ATP8B4: variants seen among roughly 807,000 people sequenced by gnomAD.
The protein encoded by ATP8B4 is probable phospholipid-transporting ATPase IM.
In ATP8B4, 133 loss-of-function variants were observed where a neutral mutation model predicts 145.6. The observed-to-expected ratio is 0.91, with a 90% CI of 0.79 to 1.05. ATP8B4 has a LOEUF of 1.05. Among genes scored for constraint, ATP8B4 ranks in the 50% least tolerant of loss-of-function variants. The pLI is 0.00. For synonymous variants in ATP8B4, 507 were observed against 492.9 expected (o/e 1.03, Z -0.38); for missense variants, 1,458 against 1,425.2 (o/e 1.02, Z -0.37).
chr15:49,893,542 G>T (rs1036486513), intron 23 of ATP8B4, among the ~76,000 whole-genome samples: 4 of 152,140 alleles, frequency 2.6e-5, no homozygotes, highest in Admixed American at 2.0e-4. Flanking sequence ...AGTGAAATAA[G>T]CATGTCACAA....
At chr15:50,129,071 AAAAT>A (rs559073143) in intron 1 of ATP8B4, among the ~76,000 whole-genome samples, 2 of 152,192 alleles carry the variant, frequency 1.3e-5, no homozygotes, top group Admixed American at 6.5e-5. Context: ...CCGTCTCAAA[AAAAT>A]AAATAAATAA....
At chr15:50,062,509 G>A (rs1449751609) in intron 3 of ATP8B4, among the ~76,000 whole-genome samples, 2 of 152,008 alleles carry the variant, frequency 1.3e-5, no homozygotes, top group Admixed American at 6.6e-5. Context: ...TTATGGCAAT[G>A]CAAGAACAGT....
chr15:50,073,019 TACACACACACACACACAC>T (rs373934302), intron 3 of ATP8B4, among the ~76,000 whole-genome samples: 1 of 32,456 alleles, frequency 3.1e-5, no homozygotes, highest in East Asian at 1.3e-3. Context: ...TATATATATA[TACACACACACACACACAC>T]ACACACACAC....
intron 25 of ATP8B4, among the ~76,000 whole-genome samples, chr15:49,873,048 G>T (rs530831549): frequency 3.7e-4 from 57 of 152,130 alleles, no homozygotes; most frequent in Non-Finnish European, 8.1e-4. Flanking sequence ...GTTTTTTAAA[G>T]AAATTATTCC....
At chr15:49,964,604 T>C (rs546118517) in intron 13 of ATP8B4, among the ~76,000 whole-genome samples, 1 of 152,318 alleles carries the variant, frequency 6.6e-6, no homozygotes, top group African/African-American at 2.4e-5. Context: ...TTAATGATGT[T>C]ATAAATGCAT....
In ATP8B4 at chr15:49,862,300, G is replaced by A; in HGVS notation, c.3242C>T (p.Pro1081Leu). Reference sequence around the variant, plus strand: ...CTTCAAAAATCTGAATGCCACCACTGGCATAACTGAAGCCACTGTTGTTAA... The same window carrying A: ...CTTCAAAAATCTGAATGCCACCACTAGCATAACTGAAGCCACTGTTGTTAA... ...ILLTTVASVM[P>L]VVAFRFLKVD... is the part of the protein sequence containing the mutation. Residue 1081 changes from proline (P) to leucine (L), a missense_variant, in exon 27 of 28, where the codon CCA becomes CTA. Transcript: ENST00000284509. 6.2e-7 allele frequency: 1 copy of A among 1,613,750 alleles called. No individual in the cohort carries two copies. Among genetic ancestry groups the A allele is most frequent in the East Asian group, 2.2e-5 (1 of 44,816 alleles).
At chr15:50,112,734 C>G (rs891652017) in intron 1 of ATP8B4, among the ~76,000 whole-genome samples, 1 of 152,064 alleles carries the variant, frequency 6.6e-6, no homozygotes, top group Non-Finnish European at 1.5e-5. Context: ...GTTAAGTACA[C>G]AGGTAAGAAC....
chr15:50,075,966 G>T (rs1458881530), intron 2 of ATP8B4, among the ~76,000 whole-genome samples: 1 of 152,120 alleles, frequency 6.6e-6, no homozygotes, highest in South Asian at 2.1e-4. Context: ...CATGGCAAAA[G>T]GTTAACCTGG....
intron 15 of ATP8B4, 84 bp from the exon 16 acceptor site, chr15:49,931,391 T>A: frequency 7.7e-7 from 1 of 1,302,856 alleles, no homozygotes; most frequent in Non-Finnish European, 1.1e-6. Context: ...ACTCAGTATT[T>A]AACACCCAAC....
chr15:50,133,746 A>G (rs28841428), intron 1 of ATP8B4, among the ~76,000 whole-genome samples: 2 of 152,178 alleles, frequency 1.3e-5, no homozygotes, highest in African/African-American at 4.8e-5. Context: ...TATGTTTTGG[A>G]GATCTAACAT....
intron 20 of ATP8B4, among the ~76,000 whole-genome samples, chr15:49,910,624 G>A (rs1431751552): frequency 6.6e-6 from 1 of 152,060 alleles, no homozygotes; most frequent in African/African-American, 2.4e-5. Flanking sequence ...ACCTATAAAG[G>A]AGTCTCCATC....
At chr15:49,867,942 A>T (rs2033077950) in intron 25 of ATP8B4, among the ~76,000 whole-genome samples, 3 of 152,238 alleles carry the variant, frequency 2.0e-5, no homozygotes, top group Admixed American at 2.0e-4. Context: ...AAAGACTTGG[A>T]GACATGGAAA....
chr15:50,008,823 G>A (rs1299625327), intron 7 of ATP8B4, among the ~76,000 whole-genome samples: 1 of 152,128 alleles, frequency 6.6e-6, no homozygotes, highest in African/African-American at 2.4e-5. Context: ...CCAGTCTGAT[G>A]TTCACCCTTG....
intron 3 of ATP8B4, among the ~76,000 whole-genome samples, chr15:50,059,830 T>C (rs2052875570): frequency 6.6e-6 from 1 of 152,214 alleles, no homozygotes; most frequent in South Asian, 2.1e-4. Context: ...CCTCTGAGGG[T>C]GACCAGGGGT....
intron 14 of ATP8B4, among the ~76,000 whole-genome samples, chr15:49,945,400 G>C (rs551832240): frequency 6.6e-6 from 1 of 152,260 alleles, no homozygotes; most frequent in East Asian, 1.9e-4. Context: ...CCCAAGACCA[G>C]ATGGTTTCAC....
chr15:50,091,418 CT>C (rs546762914), intron 2 of ATP8B4, among the ~76,000 whole-genome samples: 2 of 151,916 alleles, frequency 1.3e-5, no homozygotes, highest in Non-Finnish European at 2.9e-5. Flanking sequence ...TTTACTTAAA[CT>C]TTTTTTTATA....
At chr15:50,056,459 G>A (rs1017124766) in intron 3 of ATP8B4, among the ~76,000 whole-genome samples, 1 of 152,050 alleles carries the variant, frequency 6.6e-6, no homozygotes, top group Non-Finnish European at 1.5e-5. Flanking sequence ...AGAGCACCTT[G>A]CCTGCCAAGA....
At chr15:50,120,387 T>TA (rs1185283189), upstream of ATP8B4, among the ~76,000 whole-genome samples, 1 of 152,144 alleles carries the variant, frequency 6.6e-6, no homozygotes, top group Non-Finnish European at 1.5e-5. Context: ...ATATTTAAAA[T>TA]AAAAAACACT....
At chr15:50,004,249 C>T (rs930236771) in intron 7 of ATP8B4, among the ~76,000 whole-genome samples, 3 of 152,262 alleles carry the variant, frequency 2.0e-5, no homozygotes, top group East Asian at 3.9e-4. Flanking sequence ...GAAGGCCCAG[C>T]GGGGCCGGGA....
Sources: gnomAD v4.1 joint callset for allele counts (sites outside exome capture counted in the v4.1 genomes callset) on GRCh38, gnomAD v4.1.1 for gene constraint, MANE v1.5 for transcripts, NCBI Gene and HGNC (gene_info 2026-07-23, HGNC 2026-07-21) for gene names.